The following DNASE1 variants were observed in gnomAD, a reference collection of about 807,000 sequenced individuals.
DNASE1 encodes the protein deoxyribonuclease-1.
Under a neutral mutation model 33.9 loss-of-function variants are expected in DNASE1, and 40 were observed. The observed-to-expected ratio is 1.18, with a 90% confidence interval of 0.92 to 1.54. The LOEUF (loss-of-function observed/expected upper bound fraction) is 1.54, where lower values mean the gene tolerates loss of function less well. Ranked by LOEUF, DNASE1 falls within the 40% of genes most tolerant of loss-of-function variation. The pLI is 0.00. For synonymous variants in DNASE1, 216 were observed against 160.0 expected, an observed-to-expected ratio of 1.35 and a Z score of -2.64; for missense variants, 518 against 372.6, an observed-to-expected ratio of 1.39 and a Z score of -3.21.
intron 1 of DNASE1, among the ~76,000 whole-genome samples, chr16:3,623,599 A>G (rs1445259764): frequency 6.6e-6 from 1 of 152,216 alleles, no homozygotes; most frequent in African/African-American, 2.4e-5. Flanking sequence ...ACTAATACGT[A>G]GTATCTCCAA....
chr16:3,625,074 A>C (rs991018360), intron 1 of DNASE1, among the ~76,000 whole-genome samples: 4 of 152,156 alleles, frequency 2.6e-5, no homozygotes, highest in African/African-American at 9.6e-5. Flanking sequence ...TGGGAGGCCT[A>C]GGCGGGCGGA....
At chr16:3,622,553 G>A (rs1344757566) in intron 1 of DNASE1, among the ~76,000 whole-genome samples, 1 of 152,000 alleles carries the variant, frequency 6.6e-6, no homozygotes, top group Non-Finnish European at 1.5e-5. Context: ...TCTATATTGT[G>A]GAAATGGATA....
upstream of DNASE1, among the ~76,000 whole-genome samples, chr16:3,638,141 T>G (rs377590779): frequency 2.8e-4 from 36 of 130,732 alleles, no homozygotes; most frequent in African/African-American, 4.8e-4. Flanking sequence ...GTGTGTGTGT[T>G]TTTCCCAGTA....
chr16:3,657,189 C>G lies in DNASE1; in HGVS notation c.552C>G (p.Asp184Glu), dbSNP rs769436738. The change falls in exon 7 of 9, where the codon GAC (aspartate) becomes GAG (glutamate). Residue 184 changes from aspartate (D) to glutamate (E), a missense_variant and splice_region_variant. By Grantham distance (45) the Asp-to-Glu change is conservative. Coordinates refer to ENST00000246949, the MANE Select transcript of DNASE1 (RefSeq NM_005223.4). ...LDVQEKWGLEDVMLMGDFNAG... is the reference protein window; with the variant it reads ...LDVQEKWGLEEVMLMGDFNAG... ...CCACAGGCAGCGTTTCCTGGTAGGACGTCATGTTGATGGGCGACTTCAATG... is the reference window on the plus strand; with the variant it reads ...CCACAGGCAGCGTTTCCTGGTAGGAGGTCATGTTGATGGGCGACTTCAATG... The G allele has an allele frequency of 6.2e-7, 1 of 1,614,086 alleles. No homozygotes were observed. Among genetic ancestry groups the G allele is most frequent in the South Asian group, 1.1e-5 (1 of 91,082 alleles).
At chr16:3,662,081 C>T (rs1025157363), downstream of DNASE1, 1 of 1,613,198 alleles carries the variant, frequency 6.2e-7, no homozygotes, top group African/African-American at 1.3e-5. Flanking sequence ...CGGGCAGCCC[C>T]CATCTCCAGC....
chr16:3,635,675 A>G (rs1368661291), intron 1 of DNASE1, among the ~76,000 whole-genome samples: 1 of 150,542 alleles, frequency 6.6e-6, no homozygotes, highest in Non-Finnish European at 1.5e-5. Context: ...TTGAAGGGTA[A>G]TTTTACTGGA....
At chr16:3,624,626 A>T (rs1442163389) in intron 1 of DNASE1, among the ~76,000 whole-genome samples, 1 of 152,328 alleles carries the variant, frequency 6.6e-6, no homozygotes, top group South Asian at 2.1e-4. Context: ...AGCCATTCCC[A>T]GTGGTGGCCC....
At chr16:3,661,717 C>T (rs1437681503), downstream of DNASE1, 6 of 386,854 alleles carry the variant, frequency 1.6e-5, no homozygotes, top group Non-Finnish European at 1.8e-5. Flanking sequence ...CCAGGACACG[C>T]ACAGGTGGCA....
exon 10 of DNASE1, chr16:3,664,182 C>CT (rs2050767407): frequency 8.9e-6 from 12 of 1,353,330 alleles, no homozygotes; most frequent in Non-Finnish European, 1.2e-5. Flanking sequence ...TGCCCGGAGT[C>CT]TTGGGCAGGT....
Position 3,656,722 on chromosome 16 carries a change from A to G in DNASE1, c.405A>G (p.Pro135=). The change falls in exon 5 of 9, where the codon CCA becomes CCG. Residue 135 remains proline, a synonymous_variant. Coordinates refer to ENST00000246949, the MANE Select transcript of DNASE1 (RefSeq NM_005223.4). ...PCGNDTFNRE[P]AIVRFFSRFT... is the part of the protein sequence containing the mutation. The stretch of plus-strand genomic sequence containing the variant: ...GGAACGACACCTTCAACCGAGAGCC[A>G]GCCATTGTCAGGTTCTTCTCCCGGT... 2 of 1,612,244 alleles carry G rather than the reference A, an allele frequency of 1.2e-6. No homozygotes were observed. The highest frequency in any genetic ancestry group is 1.7e-6 in the Non-Finnish European group (2 of 1,179,152).
At chr16:3,616,488 G>T (rs1659194982) in intron 1 of DNASE1, among the ~76,000 whole-genome samples, 2 of 129,032 alleles carry the variant, frequency 1.6e-5, no homozygotes, top group African/African-American at 6.2e-5. Context: ...GGATGTGGTG[G>T]CAGGTACCTG....
chr16:3,647,206 T>C (rs1020240285), intron 1 of DNASE1, among the ~76,000 whole-genome samples: 7 of 152,126 alleles, frequency 4.6e-5, no homozygotes, highest in Non-Finnish European at 1.0e-4. Context: ...GGATCACATC[T>C]GGCAGTATTG....
intron 1 of DNASE1, among the ~76,000 whole-genome samples, chr16:3,620,886 C>T (rs536603128): frequency 2.0e-5 from 3 of 152,078 alleles, no homozygotes; most frequent in South Asian, 2.1e-4. Context: ...CTGCAACCTC[C>T]GCTCCCCAGG....
Position 3,655,943 on chromosome 16 carries a change from T to C in DNASE1, c.236+6T>C. 2 of 1,613,618 alleles carry C rather than the reference T, an allele frequency of 1.2e-6. No homozygotes were observed. The highest frequency in any genetic ancestry group is 1.7e-6 in the Non-Finnish European group (2 of 1,179,654). On this transcript the variant is annotated splice_donor_region_variant and intron_variant, in intron 3 of 8. Coordinates refer to ENST00000246949, the MANE Select transcript of DNASE1 (RefSeq NM_005223.4). ...CTGCTGGACAACCTCAATCAGTGGG[T>C]GACAGTGGCAGGGTCATAGGAAGGT...
chr16:3,624,138 G>A (rs952032291), intron 1 of DNASE1, among the ~76,000 whole-genome samples: 1 of 151,830 alleles, frequency 6.6e-6, no homozygotes, highest in Non-Finnish European at 1.5e-5. Context: ...TCAGCTGGGC[G>A]CGGTAGTGCA....
rs185677819 is a variant in DNASE1, at chr16:3,619,985, G to A, written c.-1359+7979G>A. Reference sequence around the variant, plus strand: ...GGCTGGAGTGCAGTGGCATAATCTCGCCTCACTGCAACCCCCGCCTCCGGG... The same window carrying A: ...GGCTGGAGTGCAGTGGCATAATCTCACCTCACTGCAACCCCCGCCTCCGGG... On this transcript the variant is annotated intron_variant and NMD_transcript_variant, in intron 1 of 11. Transcript: ENST00000570769. Among the ~76,000 whole-genome samples the A allele has an allele frequency of 1.6e-3, 228 of 142,180 alleles. 1 individual carries two copies. The highest frequency in any genetic ancestry group is 2.5e-3 in the Non-Finnish European group (163 of 66,138). The allele number at this position is 142,180 out of a possible 152,430, so 93.3% of individuals were successfully genotyped here.
intron 1 of DNASE1, among the ~76,000 whole-genome samples, chr16:3,631,073 A>G (rs2151177404): frequency 6.6e-6 from 1 of 152,204 alleles, no homozygotes; most frequent in East Asian, 1.9e-4. Flanking sequence ...CCCAGGCTGG[A>G]GTGCAGTGGT....
chr16:3,626,723 C>G (rs1233032638), intron 1 of DNASE1, among the ~76,000 whole-genome samples: 2 of 152,146 alleles, frequency 1.3e-5, no homozygotes, highest in African/African-American at 4.8e-5. Context: ...AAGTCTCCAG[C>G]TCTGATAGTG....
At chr16:3,662,097 G>C (rs761454023), downstream of DNASE1, 1 of 1,613,246 alleles carries the variant, frequency 6.2e-7, no homozygotes, top group Non-Finnish European at 8.5e-7. Context: ...CCAGCACGGT[G>C]ACCATGGCAG....
Sources: allele counts gnomAD v4.1 joint callset (sites outside exome capture counted in the v4.1 genomes callset), GRCh38; gene constraint gnomAD v4.1.1; transcripts MANE v1.5; gene names NCBI Gene and HGNC (gene_info 2026-07-23, HGNC 2026-07-21).